The following FOXJ3 variants were observed in gnomAD, a reference collection of about 807,000 sequenced individuals.
FOXJ3 encodes forkhead box J3, also known as forkhead box protein J3.
Under a neutral mutation model 76.1 loss-of-function variants are expected in FOXJ3, and 22 were observed. That is an observed-to-expected ratio of 0.29 (90% confidence interval 0.21 to 0.41). The LOEUF is 0.41. FOXJ3 is among the 10% of genes least tolerant of loss of function. The pLI, the probability that FOXJ3 is intolerant of heterozygous loss-of-function variation, is 1.00. For missense variants in FOXJ3, 613 were observed against 762.1 expected, an observed-to-expected ratio of 0.80 and a Z score of 2.30; for synonymous variants, 269 against 261.2, an observed-to-expected ratio of 1.03 and a Z score of -0.29.
At chr1:42,260,403 A>G (rs1194211171) in intron 4 of FOXJ3, among the ~76,000 whole-genome samples, 3 of 152,168 alleles carry the variant, frequency 2.0e-5, no homozygotes, top group Admixed American at 6.5e-5. Context: ...ATAGGAATAG[A>G]AAAAAATTCA....
At chr1:42,332,673 A>C (rs1490782361) in intron 1 of FOXJ3, among the ~76,000 whole-genome samples, 1 of 152,166 alleles carries the variant, frequency 6.6e-6, no homozygotes, top group Non-Finnish European at 1.5e-5. Flanking sequence ...TCTATCCTTG[A>C]AAGATCCTCC....
intron 8 of FOXJ3, among the ~76,000 whole-genome samples, chr1:42,194,382 T>C (rs1444795801): frequency 1.3e-5 from 2 of 152,242 alleles, no homozygotes; most frequent in Non-Finnish European, 2.9e-5. Context: ...AAAATCTGAC[T>C]TAAGTATATC....
At chr1:42,328,547 T>C (rs1655975038) in intron 1 of FOXJ3, among the ~76,000 whole-genome samples, 1 of 152,142 alleles carries the variant, frequency 6.6e-6, no homozygotes. Context: ...AGATTTAGGG[T>C]AAAAATTCTT....
intron 4 of FOXJ3, among the ~76,000 whole-genome samples, chr1:42,256,256 T>A (rs1437078110): frequency 6.6e-6 from 1 of 152,218 alleles, no homozygotes; most frequent in East Asian, 1.9e-4. Context: ...TCAAATTTTC[T>A]ACTTTTTAAA....
intron 1 of FOXJ3, among the ~76,000 whole-genome samples, chr1:42,328,274 G>A (rs1570269905): frequency 1.3e-5 from 2 of 152,292 alleles, no homozygotes; most frequent in Non-Finnish European, 1.5e-5. Context: ...TCCAGCCTGG[G>A]TGACACAGCA....
At chr1:42,323,963 T>A (rs1655582248) in intron 1 of FOXJ3, 1 of 150,620 alleles carries the variant, frequency 6.6e-6, no homozygotes, top group Admixed American at 6.6e-5. Context: ...GTTTTAGCGA[T>A]ATATTTCACT....
chr1:42,321,614 C>T (rs138493576), intron 1 of FOXJ3, among the ~76,000 whole-genome samples: 10 of 152,272 alleles, frequency 6.6e-5, no homozygotes, highest in African/African-American at 2.2e-4. Flanking sequence ...AAAAAGAAGA[C>T]AGTATGACTT....
chr1:42,315,548 T>C, intron 1 of FOXJ3: 1 of 239,012 alleles, frequency 4.2e-6, no homozygotes, highest in Non-Finnish European at 6.8e-6. Flanking sequence ...TGCTCTAGCT[T>C]CAATGCTTTA....
chr1:42,179,798 T>A lies in FOXJ3; in HGVS notation c.1781A>T (p.His594Leu). The A allele has an allele frequency of 6.2e-7, 1 of 1,613,904 alleles. No homozygotes were observed. The highest frequency in any genetic ancestry group is 8.5e-7 in the Non-Finnish European group (1 of 1,179,778). ...AGHHRAMNQQ[H>L]MMPSQAFQMR... ...CTGGAAGGCTTGGGAAGGCATCATG[T>A]GCTGCTGGTTCATGGCTCTGTGATG... is the stretch of plus-strand genomic sequence containing the variant. Residue 594 changes from histidine to leucine, a missense_variant, in exon 13 of 13, where the codon CAC (histidine) becomes CTC (leucine). Physicochemically the swap from His to Leu is moderately conservative, Grantham distance 99. This residue lies in a region of FOXJ3 where 526 missense variants were observed against 601.4 expected (regional missense o/e 0.87). Coordinates refer to ENST00000361346, the MANE Select transcript of FOXJ3 (RefSeq NM_014947.5).
Position 42,222,073 on chromosome 1 carries a change from A to AAGAAGAAGAAGAAGG in FOXJ3, c.528+5809_528+5810insCCTTCTTCTTCTTCT, listed in dbSNP as rs1569927580. The stretch of plus-strand genomic sequence containing the variant: ...GAAGAAGAAGAAGAAGAAGAAGAAG[A>AAGAAGAAGAAGAAGG]AGAAGAAGAAGAAGAAGAAGAAGAA... On this transcript the variant is annotated intron_variant, in intron 5 of 12. Coordinates refer to ENST00000361346, the MANE Select transcript of FOXJ3 (RefSeq NM_014947.5). Among the ~76,000 whole-genome samples, 4 of 135,722 alleles carry AAGAAGAAGAAGAAGG rather than the reference A, an allele frequency of 2.9e-5. No individual in the cohort carries two copies. In the East Asian group the frequency reaches 6.7e-4, roughly 23 times the overall value. The allele number at this position is 135,722 out of a possible 152,430, so 89.0% of individuals were successfully genotyped here.
chr1:42,241,712 A>G (rs978941839), intron 4 of FOXJ3, among the ~76,000 whole-genome samples: 12 of 152,190 alleles, frequency 7.9e-5, no homozygotes, highest in Admixed American at 6.5e-5. Flanking sequence ...TCCCACCACC[A>G]TTACTGCCAT....
chr1:42,258,621 T>C (rs1207241604), intron 4 of FOXJ3, among the ~76,000 whole-genome samples: 1 of 152,222 alleles, frequency 6.6e-6, no homozygotes, highest in Non-Finnish European at 1.5e-5. Flanking sequence ...TTAAATACAT[T>C]GATCATCAAA....
intron 8 of FOXJ3, 72 bp from the exon 9 acceptor site, chr1:42,191,791 A>C: frequency 6.6e-7 from 1 of 1,511,392 alleles, no homozygotes; most frequent in East Asian, 2.3e-5. Flanking sequence ...TAAAATTATT[A>C]ACATAACAAA....
At chr1:42,209,021 CAGAA>C (rs943363348) in intron 5 of FOXJ3, among the ~76,000 whole-genome samples, 1 of 152,154 alleles carries the variant, frequency 6.6e-6, no homozygotes, top group African/African-American at 2.4e-5. Context: ...TTTGTACCAT[CAGAA>C]AGCCAAAAAA....
At chr1:42,295,519 CTTTT>C (rs34641810) in intron 2 of FOXJ3, among the ~76,000 whole-genome samples, 18 of 79,042 alleles carry the variant, frequency 2.3e-4, no homozygotes, top group Admixed American at 6.7e-4. Context: ...CTACAAGTGT[CTTTT>C]TTTTTTTTTT....
chr1:42,323,876 T>A, intron 1 of FOXJ3: 1 of 163,846 alleles, frequency 6.1e-6, no homozygotes, highest in Non-Finnish European at 1.3e-5. Context: ...CAATTACAAC[T>A]AACAACAAAC....
At chr1:42,200,005 CAAAAAAAA>C (rs11355641) in intron 6 of FOXJ3, among the ~76,000 whole-genome samples, 1 of 76,086 alleles carries the variant, frequency 1.3e-5, no homozygotes, top group Non-Finnish European at 2.3e-5. Context: ...GACTCTGTCT[CAAAAAAAA>C]AAAAAAAAAA....
At chr1:42,275,952 T>C (rs1488369198) in intron 3 of FOXJ3, among the ~76,000 whole-genome samples, 2 of 152,104 alleles carry the variant, frequency 1.3e-5, no homozygotes, top group African/African-American at 2.4e-5. Context: ...CTATTAGAAA[T>C]AAATTATTGA....
rs2124563920 is a variant in FOXJ3, at chr1:42,250,570, C to CA, written c.444+14544dup. 1.3e-5 allele frequency among the ~76,000 whole-genome samples: 2 copies of CA among 152,058 alleles called. 1 individual carries two copies. The highest frequency in any genetic ancestry group is 4.2e-4 in the South Asian group (2 of 4,810). On this transcript the variant is annotated intron_variant, in intron 4 of 12. Transcript: ENST00000361346. ...TAATTAAAAAGTCCAGTAGGCCGGG[C>CA]ACGTGGGAGGCTGAGGTGGGCAGAT...
Sources: allele counts gnomAD v4.1 joint callset (sites outside exome capture counted in the v4.1 genomes callset), GRCh38; gene constraint gnomAD v4.1.1; regional missense constraint gnomAD v4.1.1; transcripts MANE v1.5; gene names NCBI Gene and HGNC (gene_info 2026-07-23, HGNC 2026-07-21).